TALDO1: variants seen among roughly 807,000 people sequenced by gnomAD.
TALDO1 encodes transaldolase 1, also known as transaldolase.
Under a neutral mutation model 38.1 loss-of-function variants are expected in TALDO1, and 29 were observed. The ratio of observed to expected loss-of-function variants is 0.76; its 90% CI spans 0.57 to 1.04. TALDO1 has a LOEUF of 1.04. Among genes scored for constraint, TALDO1 ranks in the 50% least tolerant of loss-of-function variants. The pLI, the probability that TALDO1 is intolerant of heterozygous loss-of-function variation, is 0.00. For missense variants in TALDO1, 499 were observed against 438.1 expected, an observed-to-expected ratio of 1.14 and a Z score of -1.24; for synonymous variants, 207 against 176.8, an observed-to-expected ratio of 1.17 and a Z score of -1.36.
chr11:759,180 G>T, intron 3 of TALDO1, 123 bp downstream of exon 3: 1 of 813,694 alleles, frequency 1.2e-6, no homozygotes, highest in Non-Finnish European at 2.1e-6. Flanking sequence ...CCCAAGAGGA[G>T]GTTTATTTTG....
intron 4 of TALDO1, among the ~76,000 whole-genome samples, chr11:762,261 G>C (rs1411841608): frequency 6.6e-6 from 1 of 152,168 alleles, no homozygotes; most frequent in Non-Finnish European, 1.5e-5. Flanking sequence ...ACTGCACCTG[G>C]CCGGACCATT....
chr11:761,773 C>T (rs1256133400), intron 4 of TALDO1, among the ~76,000 whole-genome samples: 1 of 152,112 alleles, frequency 6.6e-6, no homozygotes, highest in African/African-American at 2.4e-5. Flanking sequence ...TGACTCCAGG[C>T]TCAAGCTATC....
intron 2 of TALDO1, 173 bp downstream of exon 2, chr11:756,175 C>G: frequency 1.1e-6 from 1 of 917,366 alleles, no homozygotes; most frequent in East Asian, 2.7e-5. Context: ...ATGAAGTAAC[C>G]TGCACCTGTG....
chr11:747,577 C>A lies in TALDO1; in HGVS notation c.96C>A (p.His32Gln), dbSNP rs138714955. Residue 32 changes from histidine (H) to glutamine (Q), a missense_variant and splice_region_variant, in exon 1 of 8, where the codon CAC becomes CAA. Transcript: ENST00000319006. ...TTVVADTGDF[H>Q]AIDEYKPQDA... is the part of the protein sequence containing the mutation. The stretch of plus-strand genomic sequence containing the variant: ...TGGTGGCCGACACGGGCGACTTCCA[C>A]GGTGAGGACGGCGCGGAGCCCGGGC... 1.3e-6 allele frequency: 2 copies of A among 1,573,420 alleles called. No individual in the cohort carries two copies. Among genetic ancestry groups the A allele is most frequent in the South Asian group, 1.2e-5 (1 of 85,570 alleles).
At chr11:756,096 A>G (rs1168682143) in intron 2 of TALDO1, 94 bp downstream of exon 2, 5 of 1,509,790 alleles carry the variant, frequency 3.3e-6, no homozygotes, top group Non-Finnish European at 4.5e-6. Context: ...GTTCTCAAAC[A>G]CCATGAACTC....
intron 5 of TALDO1, 30 bp downstream of exon 5, chr11:763,549 G>T (rs1862991830): frequency 6.2e-7 from 1 of 1,613,210 alleles, no homozygotes; most frequent in South Asian, 1.1e-5. Context: ...AATGGGGTAA[G>T]GGGAGCAGCC....
At chr11:749,495 T>A (rs1339617775) in intron 1 of TALDO1, among the ~76,000 whole-genome samples, 1 of 152,136 alleles carries the variant, frequency 6.6e-6, no homozygotes, top group African/African-American at 2.4e-5. Context: ...TAGTATATGT[T>A]CATAAATGTT....
chr11:764,516 T>A, intron 7 of TALDO1, 83 bp downstream of exon 7: 5 of 1,565,980 alleles, frequency 3.2e-6, no homozygotes, highest in Non-Finnish European at 4.3e-6. Context: ...CTGGGCAGAG[T>A]TAAAACTTTG....
rs751141793 is a variant in TALDO1 at position 747,511 on chromosome 11, G to A, written c.30G>A (p.Arg10=). Reference sequence around the variant, plus strand: ...CGAGCTCACCCGTGAAGCGTCAGAGGATGGAGTCCGCGCTGGACCAGCTCA... The same window carrying A: ...CGAGCTCACCCGTGAAGCGTCAGAGAATGGAGTCCGCGCTGGACCAGCTCA... The part of the protein sequence containing the change: MSSSPVKRQ[R]MESALDQLKQ... Residue 10 remains arginine (R), a synonymous_variant, in exon 1 of 8, where the codon AGG becomes AGA. Transcript: ENST00000319006. 1.8e-5 allele frequency: 29 copies of A among 1,600,420 alleles called. No homozygotes were observed. In the Admixed American group the frequency reaches 2.2e-4, roughly 12 times the overall value.
At chr11:757,011 C>T (rs539172618) in intron 2 of TALDO1, among the ~76,000 whole-genome samples, 5 of 152,312 alleles carry the variant, frequency 3.3e-5, no homozygotes, top group Admixed American at 2.6e-4. Flanking sequence ...GAGCAGGCAA[C>T]GTGGGCACCA....
At chr11:760,392 G>A in intron 4 of TALDO1, 139 bp downstream of exon 4, 1 of 1,317,504 alleles carries the variant, frequency 7.6e-7, no homozygotes, top group Non-Finnish European at 1.1e-6. Context: ...GCTTGGACTT[G>A]ACCAGCTCAT....
intron 6 of TALDO1, 57 bp from the exon 7 acceptor site, chr11:764,229 AGG>A: frequency 6.2e-6 from 10 of 1,613,268 alleles, no homozygotes; most frequent in Non-Finnish European, 8.5e-6. Context: ...CCTGAGCCCA[AGG>A]GGCCAAGGTG....
rs746900968 is a variant in TALDO1 at position 763,829 on chromosome 11, C to G, written c.720C>G (p.Asn240Lys). The G allele has an allele frequency of 6.2e-7, 1 of 1,614,090 alleles. No individual in the cohort carries two copies. The highest frequency in any genetic ancestry group is 2.2e-5 in the East Asian group (1 of 44,880). The change falls in exon 6 of 8, where the codon AAC (asparagine) becomes AAG (lysine). Residue 240 changes from asparagine to lysine, a missense_variant. Physicochemically the swap from Asn to Lys is moderately conservative, Grantham distance 94 (BLOSUM62 0). Coordinates refer to ENST00000319006, the MANE Select transcript of TALDO1 (RefSeq NM_006755.2). The part of the protein sequence containing the change: ...KTIVMGASFR[N>K]TGEIKALAGC... ...TTGTCATGGGCGCCTCCTTCCGCAA[C>G]ACGGGCGAGATCAAAGCACTGGCCG...
rs558888761 is a variant in TALDO1, at chr11:760,281, T to G, written c.461+28T>G. On this transcript the variant is annotated intron_variant, in intron 4 of 7. Coordinates refer to ENST00000319006, the MANE Select transcript of TALDO1 (RefSeq NM_006755.2). ...AAGTGGTCCCCCACAAGGAAGGAGC[T>G]CTCAGAGATTTTTCCTCTGTTGGAG... 1.3e-5 allele frequency: 21 copies of G among 1,612,520 alleles called. No individual in the cohort carries two copies. The East Asian group carries it at 4.5e-4, about 34-fold the overall frequency.
chr11:754,820 G>A (rs1174313442), intron 1 of TALDO1, among the ~76,000 whole-genome samples: 1 of 152,072 alleles, frequency 6.6e-6, no homozygotes, highest in Non-Finnish European at 1.5e-5. Flanking sequence ...GCCCAGGTGG[G>A]AGTGTAGTGG....
rs1460342926 is a variant in TALDO1 at position 763,531 on chromosome 11, T to C, written c.637+12T>C. ...CCTGGAAGACCCTGGTGAGGGTCCC[T>C]CTGTGGTAATGGGGTAAGGGGAGCA... On this transcript the variant is annotated intron_variant, in intron 5 of 7. Coordinates refer to ENST00000319006, the MANE Select transcript of TALDO1 (RefSeq NM_006755.2). 2 of 1,612,980 alleles carry C rather than the reference T, an allele frequency of 1.2e-6. No homozygotes were observed. Among genetic ancestry groups the C allele is most frequent in the Admixed American group, 1.7e-5 (1 of 59,906 alleles).
intron 1 of TALDO1, among the ~76,000 whole-genome samples, chr11:749,454 A>G (rs1355122620): frequency 6.6e-6 from 1 of 151,256 alleles, no homozygotes; most frequent in African/African-American, 2.4e-5. Context: ...TTTTTTTTTA[A>G]TGAATATTAA....
At chr11:749,689 T>G (rs764730640) in intron 1 of TALDO1, among the ~76,000 whole-genome samples, 4 of 152,154 alleles carry the variant, frequency 2.6e-5, no homozygotes, top group Non-Finnish European at 5.9e-5. Context: ...TGAAACCCAT[T>G]TTTGCCCCAA....
intron 1 of TALDO1, chr11:752,371 C>T (rs112522733): frequency 0.05 from 7,555 of 152,332 alleles, 249 homozygotes; most frequent in Non-Finnish European, 0.079. Context: ...CCAGCCACCG[C>T]GCCCGGCCGT....
Sources: gnomAD v4.1 joint callset for allele counts (sites outside exome capture counted in the v4.1 genomes callset) on GRCh38, gnomAD v4.1.1 for gene constraint, MANE v1.5 for transcripts, NCBI Gene and HGNC (gene_info 2026-07-23, HGNC 2026-07-21) for gene names.